KATNIP: variants seen among roughly 807,000 people sequenced by gnomAD.
The protein encoded by KATNIP is katanin interacting protein.
In KATNIP, 126 loss-of-function variants were observed where a neutral mutation model predicts 174.0. That is an observed-to-expected ratio of 0.72 (90% CI 0.63 to 0.84). The LOEUF (loss-of-function observed/expected upper bound fraction) is 0.84, where lower values mean the gene tolerates loss of function less well. KATNIP is among the 40% of genes least tolerant of loss of function. The pLI, the probability that KATNIP is intolerant of heterozygous loss-of-function variation, is 0.00. For missense variants in KATNIP, 1,958 were observed against 2,109.7 expected, an observed-to-expected ratio of 0.93 and a Z score of 1.41; for synonymous variants, 810 against 835.7, an observed-to-expected ratio of 0.97 and a Z score of 0.53.
At chr16:27,643,105 A>G (rs1270458157) in intron 5 of KATNIP, 1 of 152,184 alleles carries the variant, frequency 6.6e-6, no homozygotes, top group African/African-American at 2.4e-5. Flanking sequence ...CTGCAATAGG[A>G]TTGCTGAGTA....
chr16:27,553,947 TAGAG>T (rs1377447118), intron 1 of KATNIP, among the ~76,000 whole-genome samples: 1 of 124,610 alleles, frequency 8.0e-6, no homozygotes, highest in Non-Finnish European at 1.6e-5. Context: ...AGACCTTGTC[TAGAG>T]AGAGAGAGAG....
intron 22 of KATNIP, among the ~76,000 whole-genome samples, chr16:27,772,064 G>T (rs1384785325): frequency 2.0e-5 from 3 of 152,114 alleles, no homozygotes; most frequent in African/African-American, 7.2e-5. Flanking sequence ...ATTGCTTGGG[G>T]CCAGGAGTTT....
chr16:27,751,588 C>A, intron 16 of KATNIP, 131 bp from the exon 17 acceptor site: 1 of 766,090 alleles, frequency 1.3e-6, no homozygotes, highest in Non-Finnish European at 2.2e-6. Flanking sequence ...ACTAATAAGG[C>A]TCACACTAAT....
chr16:27,698,239 A>C, intron 8 of KATNIP, 89 bp from the exon 9 acceptor site: 2 of 1,333,364 alleles, frequency 1.5e-6, no homozygotes, highest in Non-Finnish European at 2.1e-6. Flanking sequence ...GTTGTTTTAT[A>C]GAATGTTCCT....
chr16:27,676,334 C>T (rs1165733458), intron 6 of KATNIP, among the ~76,000 whole-genome samples: 1 of 152,168 alleles, frequency 6.6e-6, no homozygotes, highest in Non-Finnish European at 1.5e-5. Flanking sequence ...ATGTTCATTT[C>T]CTGAGTCCTC....
At chr16:27,748,107 G>A (rs1001569811) in intron 15 of KATNIP, among the ~76,000 whole-genome samples, 2 of 152,216 alleles carry the variant, frequency 1.3e-5, no homozygotes, top group Non-Finnish European at 2.9e-5. Flanking sequence ...GAGCCATGGC[G>A]TGGCTGTGAG....
chr16:27,668,221 C>G (rs2077755313), intron 6 of KATNIP, among the ~76,000 whole-genome samples: 1 of 152,172 alleles, frequency 6.6e-6, no homozygotes. Context: ...ACTTTAGAGT[C>G]TGATATGGTT....
intron 6 of KATNIP, among the ~76,000 whole-genome samples, chr16:27,672,997 C>G (rs558184054): frequency 6.6e-6 from 1 of 152,274 alleles, no homozygotes; most frequent in African/African-American, 2.4e-5. Context: ...AGTCTCCCAG[C>G]TAGGAACGTA....
At chr16:27,628,390 T>A (rs1001736959) in intron 3 of KATNIP, among the ~76,000 whole-genome samples, 1 of 152,124 alleles carries the variant, frequency 6.6e-6, no homozygotes, top group Non-Finnish European at 1.5e-5. Flanking sequence ...ATGAACTGGG[T>A]GTGTTCTTTT....
intron 3 of KATNIP, among the ~76,000 whole-genome samples, chr16:27,622,550 G>A (rs1247708168): frequency 1.3e-5 from 2 of 152,200 alleles, no homozygotes; most frequent in Non-Finnish European, 2.9e-5. Context: ...ACAGCAGAGA[G>A]GGGCTGTAAT....
chr16:27,560,207 G>C lies in KATNIP; in HGVS notation c.7+10030G>C, dbSNP rs896717297. The stretch of plus-strand genomic sequence containing the variant: ...TGAGGCAGGAGAATCGCTTGAACCT[G>C]GGAGGCAGAGGTTGCAGTGAGCTGA... On this transcript the variant is annotated intron_variant, in intron 1 of 27. Coordinates refer to ENST00000261588, the MANE Select transcript of KATNIP (RefSeq NM_015202.5). Among the ~76,000 whole-genome samples the C allele has an allele frequency of 2.1e-4, 30 of 143,652 alleles. 1 individual carries two copies. The highest frequency in any genetic ancestry group is 1.2e-3 in the Admixed American group (17 of 14,422). The allele number at this position is 143,652 out of a possible 152,430, so 94.2% of individuals were successfully genotyped here. A position where few individuals can be genotyped will look rare whatever the true frequency, so the allele number is the denominator to read the frequency against.
chr16:27,596,535 AC>A (rs2075341295), intron 2 of KATNIP, among the ~76,000 whole-genome samples: 2 of 152,154 alleles, frequency 1.3e-5, no homozygotes, highest in Admixed American at 6.5e-5. Context: ...GGGACCATTG[AC>A]AACTTTTTTC....
In KATNIP at chr16:27,617,882, A is replaced by G. The variant is rs530393615; in HGVS notation, c.64-543A>G. ...CCGCCAAGTAGCTGGGACCACAGGC[A>G]TGCACCACCCAGGCCTGGCTAATTT... On this transcript the variant is annotated intron_variant, in intron 2 of 27. Transcript: ENST00000261588. 3.3e-5 allele frequency among the ~76,000 whole-genome samples: 5 copies of G among 152,150 alleles called. No individual in the cohort carries two copies. In the East Asian group the frequency reaches 9.7e-4, roughly 29 times the overall value.
At chr16:27,754,414 C>G (rs2081637590) in intron 18 of KATNIP, 163 bp downstream of exon 18, 2 of 625,718 alleles carry the variant, frequency 3.2e-6, no homozygotes, top group Admixed American at 5.4e-5. Context: ...CCAGCCTGCG[C>G]TCAGCTCCCT....
intron 1 of KATNIP, among the ~76,000 whole-genome samples, chr16:27,570,944 C>G (rs1431027933): frequency 1.3e-5 from 2 of 152,174 alleles, no homozygotes. Context: ...AAGGTTCAAT[C>G]TTGAAATCCA....
At chr16:27,708,025 T>A (rs1436784825) in intron 12 of KATNIP, among the ~76,000 whole-genome samples, 1 of 86,788 alleles carries the variant, frequency 1.2e-5, no homozygotes, top group East Asian at 2.1e-4. Flanking sequence ...GCCCGTAACC[T>A]TTTTTTTTTT....
At chr16:27,553,062 T>G (rs1311582513) in intron 1 of KATNIP, among the ~76,000 whole-genome samples, 1 of 152,222 alleles carries the variant, frequency 6.6e-6, no homozygotes, top group African/African-American at 2.4e-5. Flanking sequence ...ACTTTTATAC[T>G]GTGTTACATT....
intron 11 of KATNIP, among the ~76,000 whole-genome samples, chr16:27,702,205 T>C (rs962995751): frequency 2.0e-5 from 3 of 152,202 alleles, no homozygotes; most frequent in African/African-American, 7.2e-5. Context: ...CCCCAACCTG[T>C]GTAGAACTTG....
Position 27,716,379 on chromosome 16 carries a change from T to A in KATNIP, c.1606-5179T>A, listed in dbSNP as rs2079938202. Among the ~76,000 whole-genome samples, 6 of 152,174 alleles carry A rather than the reference T, an allele frequency of 3.9e-5. No individual in the cohort carries two copies. In the South Asian group the frequency reaches 1.2e-3, roughly 32 times the overall value. ...GTGAAAATGTACTGGAAGAAGATAATGGTAATGGTTGAAAAACCTTGTGAA... is the reference window on the plus strand; with the variant it reads ...GTGAAAATGTACTGGAAGAAGATAAAGGTAATGGTTGAAAAACCTTGTGAA... On this transcript the variant is annotated intron_variant, in intron 13 of 27. Transcript: ENST00000261588.
Sources: allele counts gnomAD v4.1 joint callset (sites outside exome capture counted in the v4.1 genomes callset), GRCh38; gene constraint gnomAD v4.1.1; transcripts MANE v1.5; gene names NCBI Gene and HGNC (gene_info 2026-07-23, HGNC 2026-07-21).